The following MYOM2 variants were observed in gnomAD, a reference collection of about 807,000 sequenced individuals.
MYOM2 encodes the protein myomesin-2.
Under a neutral mutation model 187.6 loss-of-function variants are expected in MYOM2, and 254 were observed. That is an observed-to-expected ratio of 1.35 (90% CI 1.22 to 1.50). The LOEUF (loss-of-function observed/expected upper bound fraction) is 1.50, where lower values mean the gene tolerates loss of function less well. Among genes scored for constraint, MYOM2 ranks in the 40% most tolerant of loss-of-function variants. MYOM2 has a pLI of 0.00. For missense variants in MYOM2, 2,796 were observed against 1,924.0 expected (o/e 1.45, Z -8.48); for synonymous variants, 981 against 753.8 (o/e 1.30, Z -4.94).
intron 24 of MYOM2, 64 bp from the exon 25 acceptor site, chr8:2,109,331 T>TGCAGGTATTCTTCCTC: frequency 1.3e-6 from 2 of 1,487,232 alleles, no homozygotes; most frequent in Non-Finnish European, 1.8e-6. Context: ...CCCTACAATT[T>TGCAGGTATTCTTCCTC]GCAGGTATTC....
chr8:2,069,823 T>C (rs1819153351), intron 8 of MYOM2, among the ~76,000 whole-genome samples: 2 of 152,228 alleles, frequency 1.3e-5, no homozygotes, highest in African/African-American at 4.8e-5. Context: ...AAAACATCAC[T>C]TGGAGAGACT....
chr8:2,078,762 C>G lies in MYOM2; in HGVS notation c.1291C>G (p.Gln431Glu). The G allele has an allele frequency of 6.2e-7, 1 of 1,614,122 alleles. No individual in the cohort carries two copies. Among genetic ancestry groups the G allele is most frequent in the Non-Finnish European group, 8.5e-7 (1 of 1,180,024 alleles). ...RCEVGTNNWV[Q>E]CNDAPVKICK... is the part of the protein sequence containing the mutation. ...TGAAGTAGGAACGAATAATTGGGTGCAGTGCAATGATGCACCGGTGAAAAT... is the reference window on the plus strand; with the variant it reads ...TGAAGTAGGAACGAATAATTGGGTGGAGTGCAATGATGCACCGGTGAAAAT... The change falls in exon 12 of 37, where the codon CAG (glutamine) becomes GAG (glutamate). Residue 431 changes from glutamine to glutamate, a missense_variant. Coordinates refer to ENST00000262113, the MANE Select transcript of MYOM2 (RefSeq NM_003970.4).
chr8:2,079,760 A>T (rs938696103), intron 13 of MYOM2, 147 bp downstream of exon 13: 3 of 848,404 alleles, frequency 3.5e-6, no homozygotes, highest in African/African-American at 3.4e-5. Flanking sequence ...CTGCAAGCCC[A>T]GTGTCCATAG....
At chr8:2,078,571 C>G (rs575419342) in intron 11 of MYOM2, among the ~76,000 whole-genome samples, 163 bp from the exon 12 acceptor site, 1 of 152,190 alleles carries the variant, frequency 6.6e-6, no homozygotes, top group South Asian at 2.1e-4. Flanking sequence ...GCTCTGTCTT[C>G]TAATGTTTAT....
chr8:2,123,404 A>G, intron 29 of MYOM2, 39 bp downstream of exon 29: 1 of 1,534,560 alleles, frequency 6.5e-7, no homozygotes. Context: ...CAAAACAAAA[A>G]CGGCACTTTC....
At chr8:2,051,730 CAGTG>C (rs758236559) in intron 2 of MYOM2, among the ~76,000 whole-genome samples, 2 of 152,200 alleles carry the variant, frequency 1.3e-5, no homozygotes, top group Non-Finnish European at 2.9e-5. Context: ...GCACCAGCCA[CAGTG>C]AGCTCAGGGA....
chr8:2,096,124 C>A, intron 17 of MYOM2, 123 bp from the exon 18 acceptor site: 1 of 851,578 alleles, frequency 1.2e-6, no homozygotes, highest in Non-Finnish European at 1.9e-6. Context: ...GATCAGAGGG[C>A]ACAGTGTTCA....
chr8:2,054,789 C>A (rs1818602059), intron 3 of MYOM2, among the ~76,000 whole-genome samples: 1 of 152,204 alleles, frequency 6.6e-6, no homozygotes, highest in African/African-American at 2.4e-5. Flanking sequence ...GGGATTCACT[C>A]CCCTGTAAGA....
intron 14 of MYOM2, among the ~76,000 whole-genome samples, chr8:2,086,709 C>T (rs549638140): frequency 6.4e-4 from 98 of 152,248 alleles, no homozygotes; most frequent in African/African-American, 2.3e-3. Context: ...CAGGGAGTCG[C>T]TTCCCTCTCT....
At chr8:2,104,241 A>G (rs1475125696) in intron 21 of MYOM2, among the ~76,000 whole-genome samples, 4 of 152,154 alleles carry the variant, frequency 2.6e-5, no homozygotes, top group African/African-American at 9.7e-5. Flanking sequence ...CAGGACACAC[A>G]CTCATAGGAT....
At chr8:2,076,586 T>G (rs1021165344) in intron 11 of MYOM2, 9 of 333,994 alleles carry the variant, frequency 2.7e-5, no homozygotes, top group Non-Finnish European at 4.4e-5. Flanking sequence ...CGCGCTGTGG[T>G]TCTGCTGAGG....
intron 13 of MYOM2, among the ~76,000 whole-genome samples, chr8:2,080,371 T>G: frequency 6.6e-6 from 1 of 152,238 alleles, no homozygotes; most frequent in South Asian, 2.1e-4. Flanking sequence ...CTGAAGCAGA[T>G]GGATCCCCAA....
rs757003110 is a variant in MYOM2 at position 2,072,494 on chromosome 8, G to T, written c.943G>T (p.Glu315Ter). ...PDLKRVQPRAEWYRDDVLLKE... is the reference protein window; with the variant it reads ...PDLKRVQPRA ...CCTGAAGCGGGTGCAGCCGCGCGCCGAGTGGTACCGCGATGGTGAGTAGGA... is the reference window on the plus strand; with the variant it reads ...CCTGAAGCGGGTGCAGCCGCGCGCCTAGTGGTACCGCGATGGTGAGTAGGA... The change falls in exon 9 of 37, where the codon GAG becomes TAG. Residue 315 changes from glutamate (E) to a stop codon, truncating the protein, a stop_gained. Transcript: ENST00000262113. LOFTEE classifies it high-confidence loss of function. 1.2e-6 allele frequency: 2 copies of T among 1,613,380 alleles called. No individual in the cohort carries two copies. The highest frequency in any genetic ancestry group is 1.7e-6 in the Non-Finnish European group (2 of 1,180,000).
rs141992157 is a variant in MYOM2, at chr8:2,093,982, C to G, written c.2016C>G (p.His672Gln). The change falls in exon 17 of 37, where the codon CAC (histidine) becomes CAG (glutamine). Residue 672 changes from histidine to glutamine, a missense_variant. Transcript: ENST00000262113. Reference protein sequence around the residue: ...KPIGYNRFVVHGLTTGEQYIF... With the variant: ...KPIGYNRFVVQGLTTGEQYIF... ...CTGTGTTTCTCAGGTTCGTGGTGCA[C>G]GGCTTAACCACGGGAGAGCAGTACA... 6.2e-7 allele frequency: 1 copy of G among 1,614,036 alleles called. No homozygotes were observed. The highest frequency in any genetic ancestry group is 8.5e-7 in the Non-Finnish European group (1 of 1,180,000).
At chr8:2,070,772 C>G (rs1819187102) in intron 8 of MYOM2, among the ~76,000 whole-genome samples, 1 of 152,176 alleles carries the variant, frequency 6.6e-6, no homozygotes, top group South Asian at 2.1e-4. Context: ...TCGTCGAAGT[C>G]AAATTTATAT....
At chr8:2,106,160 C>G (rs772908542) in intron 21 of MYOM2, 82 bp from the exon 22 acceptor site, 20 of 1,445,310 alleles carry the variant, frequency 1.4e-5, no homozygotes, top group Non-Finnish European at 1.7e-5. Context: ...GACGCGGAGC[C>G]AAACCATATC....
intron 32 of MYOM2, among the ~76,000 whole-genome samples, chr8:2,130,147 C>T (rs1029239898): frequency 4.9e-5 from 6 of 123,372 alleles, no homozygotes; most frequent in Non-Finnish European, 3.1e-5. Flanking sequence ...GCGTCCCCAC[C>T]GCGCCTTTAG....
chr8:2,100,157 C>CCTTCCTTCT (rs1796654700), intron 19 of MYOM2, among the ~76,000 whole-genome samples: 1 of 127,716 alleles, frequency 7.8e-6, no homozygotes, highest in African/African-American at 3.2e-5. Flanking sequence ...TCCTTCCTTC[C>CCTTCCTTCT]TTCCTTCCTT....
chr8:2,089,774 A>G (rs1796231175), intron 14 of MYOM2, among the ~76,000 whole-genome samples: 1 of 152,218 alleles, frequency 6.6e-6, no homozygotes, highest in Non-Finnish European at 1.5e-5. Context: ...CTTTAATGGA[A>G]AAAAATTTAT....
Sources: gnomAD v4.1 joint callset for allele counts (sites outside exome capture counted in the v4.1 genomes callset) on GRCh38, gnomAD v4.1.1 for gene constraint, MANE v1.5 for transcripts, NCBI Gene and HGNC (gene_info 2026-07-23, HGNC 2026-07-21) for gene names.